PPP2R2B: variants seen among roughly 807,000 people sequenced by gnomAD.
PPP2R2B encodes serine/threonine-protein phosphatase 2A 55 kDa regulatory subunit B beta isoform.
In PPP2R2B, 5 loss-of-function variants were observed where a neutral mutation model predicts 46.0. That is an observed-to-expected ratio of 0.11 (90% CI 0.06 to 0.23). The LOEUF (loss-of-function observed/expected upper bound fraction) is 0.23. Among genes scored for constraint, PPP2R2B ranks in the 10% least tolerant of loss-of-function variants. The probability of loss-of-function intolerance (pLI) is 1.00; values close to 1 mark genes in which losing one functional copy is unlikely to be tolerated. For synonymous variants in PPP2R2B, 215 were observed against 206.7 expected, an observed-to-expected ratio of 1.04 and a Z score of -0.34; for missense variants, 367 against 575.0, an observed-to-expected ratio of 0.64 and a Z score of 3.70.
chr5:146,820,107 G>A (rs1012605791), intron 2 of PPP2R2B, among the ~76,000 whole-genome samples: 1 of 152,126 alleles, frequency 6.6e-6, no homozygotes, highest in Admixed American at 6.6e-5. Context: ...CCAGTTAGAT[G>A]GGAGGAATAA....
intron 1 of PPP2R2B, among the ~76,000 whole-genome samples, chr5:146,953,447 A>G (rs539483927): frequency 6.6e-6 from 1 of 152,256 alleles, no homozygotes; most frequent in East Asian, 1.9e-4. Flanking sequence ...ATATATTACT[A>G]TAGAACAAGC....
chr5:146,795,216 T>C (rs1561912735), intron 2 of PPP2R2B, among the ~76,000 whole-genome samples: 1 of 152,128 alleles, frequency 6.6e-6, no homozygotes. Flanking sequence ...ATAAAATCAC[T>C]ATCTTGAAGA....
intron 3 of PPP2R2B, among the ~76,000 whole-genome samples, chr5:146,698,608 A>C (rs1375011172): frequency 6.6e-6 from 1 of 151,918 alleles, no homozygotes; most frequent in Non-Finnish European, 1.5e-5. Context: ...TGGCCTTTTA[A>C]GATCTCACCT....
At position 147,002,726 on chromosome 5, in the gene PPP2R2B, G is replaced by A. The variant is rs117819828; in HGVS notation, c.79+52939C>T. Among the ~76,000 whole-genome samples, 1,683 of 148,734 alleles carry A rather than the reference G, an allele frequency of 0.011. 102 individuals carry two copies. In the East Asian group the frequency reaches 0.18, roughly 16 times the overall value. ...GGGCGCAACTCTTCTGATCACCAGGGTCCAGGGACCATTGCGGGTTCTCGG... is the reference window on the plus strand; with the variant it reads ...GGGCGCAACTCTTCTGATCACCAGGATCCAGGGACCATTGCGGGTTCTCGG... On this transcript the variant is annotated intron_variant, in intron 1 of 8. Transcript: ENST00000336640.
intron 1 of PPP2R2B, among the ~76,000 whole-genome samples, chr5:147,050,769 G>GTAA (rs1561600167): frequency 1.3e-5 from 2 of 151,804 alleles, no homozygotes; most frequent in Non-Finnish European, 1.5e-5. Flanking sequence ...ACTTATTCTT[G>GTAA]TATTATTATT....
intron 1 of PPP2R2B, among the ~76,000 whole-genome samples, chr5:146,902,852 A>C (rs1355025715): frequency 1.3e-5 from 2 of 152,316 alleles, no homozygotes; most frequent in Non-Finnish European, 2.9e-5. Flanking sequence ...GTTTATTTCT[A>C]ATTATTTTCA....
At chr5:146,857,750 C>T (rs997471116) in intron 2 of PPP2R2B, among the ~76,000 whole-genome samples, 9 of 151,722 alleles carry the variant, frequency 5.9e-5, no homozygotes, top group Admixed American at 1.3e-4. Context: ...TGCAATGGCA[C>T]GATCTCGGCT....
chr5:146,804,068 G>A (rs1757027443), intron 2 of PPP2R2B, among the ~76,000 whole-genome samples: 1 of 152,078 alleles, frequency 6.6e-6, no homozygotes, highest in African/African-American at 2.4e-5. Context: ...TTGGGAGGCT[G>A]AGGGAGAAGA....
intron 2 of PPP2R2B, among the ~76,000 whole-genome samples, chr5:146,817,906 A>G (rs113399820): frequency 1.6e-4 from 25 of 152,338 alleles, no homozygotes; most frequent in African/African-American, 5.8e-4. Flanking sequence ...ATAAAACACC[A>G]TCCTCCCATT....
chr5:146,883,660 A>ACT (rs991346939), upstream of PPP2R2B, among the ~76,000 whole-genome samples: 1 of 151,916 alleles, frequency 6.6e-6, no homozygotes, highest in African/African-American at 2.4e-5. Context: ...CAATTGCACA[A>ACT]CTCTCTCTCT....
Position 146,590,185 on chromosome 5 carries a change from A to T in PPP2R2B, c.1094T>A (p.Phe365Tyr). 6.2e-7 allele frequency: 1 copy of T among 1,613,736 alleles called. No individual in the cohort carries two copies. Among genetic ancestry groups the T allele is most frequent in the Admixed American group, 1.7e-5 (1 of 60,002 alleles). Residue 365 changes from phenylalanine (F) to tyrosine (Y), a missense_variant, in exon 10 of 10, where the codon TTC (phenylalanine) becomes TAC (tyrosine). By Grantham distance (22) the Phe-to-Tyr change is conservative (BLOSUM62 3). This residue lies in a region of PPP2R2B where 361 missense variants were observed against 545.5 expected (regional missense o/e 0.66). Transcript: ENST00000394411. ...TGSYNNFFRM[F>Y]DRNTKRDVTL... is the part of the protein sequence containing the mutation. The stretch of plus-strand genomic sequence containing the variant: ...CACATCACGCTTGGTGTTTCTGTCG[A>T]ACATCCTGAAGAAGTTGTTGTAGGA...
intron 1 of PPP2R2B, among the ~76,000 whole-genome samples, chr5:146,976,354 C>G (rs1582531905): frequency 6.6e-6 from 1 of 151,952 alleles, no homozygotes; most frequent in East Asian, 1.9e-4. Context: ...CCAGGCTGGT[C>G]TCGAACTCCT....
intron 1 of PPP2R2B, among the ~76,000 whole-genome samples, chr5:147,001,294 G>A (rs1212384645): frequency 6.6e-6 from 1 of 152,138 alleles, no homozygotes; most frequent in Non-Finnish European, 1.5e-5. Flanking sequence ...CTCACTCTTT[G>A]GGTCCGCACT....
chr5:146,600,931 C>T (rs1490346440), intron 7 of PPP2R2B, among the ~76,000 whole-genome samples: 1 of 152,152 alleles, frequency 6.6e-6, no homozygotes, highest in Non-Finnish European at 1.5e-5. Context: ...CCAAAAACTC[C>T]ATATCCATTG....
chr5:146,608,304 C>T (rs1275064147), intron 7 of PPP2R2B, among the ~76,000 whole-genome samples: 1 of 152,168 alleles, frequency 6.6e-6, no homozygotes, highest in Non-Finnish European at 1.5e-5. Flanking sequence ...CTTTCCTAAA[C>T]TACATCTCTC....
rs564961242 is a variant in PPP2R2B, at chr5:146,585,058, T to C, written c.*4889A>G. ...TCTCATTGTAAAAATGTTTACAGTATGCAAATATGCACTTTCTCCTATGTG... is the reference window on the plus strand; with the variant it reads ...TCTCATTGTAAAAATGTTTACAGTACGCAAATATGCACTTTCTCCTATGTG... On this transcript the variant is annotated 3_prime_UTR_variant, in exon 10 of 10. Transcript: ENST00000394411. 1 of 152,222 alleles carries C rather than the reference T, an allele frequency of 6.6e-6. No individual in the cohort carries two copies. Among genetic ancestry groups the C allele is most frequent in the Non-Finnish European group, 1.5e-5 (1 of 68,030 alleles). The allele number at this position is 152,222 out of a possible 1,614,324, so 9.4% of individuals were successfully genotyped here. A position where few individuals can be genotyped will look rare whatever the true frequency, so the allele number is the denominator to read the frequency against.
chr5:146,942,948 C>T (rs1764368741), intron 1 of PPP2R2B, among the ~76,000 whole-genome samples: 1 of 152,070 alleles, frequency 6.6e-6, no homozygotes, highest in South Asian at 2.1e-4. Context: ...CAGGTGCCCG[C>T]CACCACGCCT....
At chr5:146,720,065 C>T (rs777376047) in intron 2 of PPP2R2B, among the ~76,000 whole-genome samples, 2 of 152,152 alleles carry the variant, frequency 1.3e-5, no homozygotes, top group Non-Finnish European at 2.9e-5. Flanking sequence ...CTGCTTTCAT[C>T]TTTTACGCTA....
chr5:146,642,102 T>C (rs1174445143), intron 6 of PPP2R2B, among the ~76,000 whole-genome samples: 2 of 152,230 alleles, frequency 1.3e-5, no homozygotes, highest in Non-Finnish European at 2.9e-5. Context: ...AATCTGGCTC[T>C]CTGCTGGGAC....
Sources: gnomAD v4.1 joint callset for allele counts (sites outside exome capture counted in the v4.1 genomes callset) on GRCh38, gnomAD v4.1.1 for gene constraint, gnomAD v4.1.1 regional missense constraint, MANE v1.5 for transcripts, NCBI Gene and HGNC (gene_info 2026-07-23, HGNC 2026-07-21) for gene names.